VPS26B: variants seen among roughly 807,000 people sequenced by gnomAD.
VPS26B encodes the protein vacuolar protein sorting-associated protein 26B.
VPS26B carries 10 observed loss-of-function variants against 33.3 expected under a neutral mutation model. The ratio of observed to expected loss-of-function variants is 0.30; its 90% CI spans 0.19 to 0.51. VPS26B has a LOEUF of 0.51. Among genes scored for constraint, VPS26B ranks in the 20% least tolerant of loss-of-function variants. VPS26B has a pLI of 0.98. For missense variants in VPS26B, 317 were observed against 452.7 expected, an observed-to-expected ratio of 0.70 and a Z score of 2.72; for synonymous variants, 190 against 176.9, an observed-to-expected ratio of 1.07 and a Z score of -0.59.
rs1938791521 is a variant in VPS26B, at chr11:134,245,220, C to T, written c.864+140C>T. The T allele has an allele frequency of 1.5e-6, 2 of 1,360,290 alleles. No individual in the cohort carries two copies. The highest frequency in any genetic ancestry group is 1.5e-5 in the African/African-American group (1 of 68,540). The allele number at this position is 1,360,290 out of a possible 1,614,324, so 84.3% of individuals were successfully genotyped here. A position where few individuals can be genotyped will look rare whatever the true frequency, so the allele number is the denominator to read the frequency against. On this transcript the variant is annotated intron_variant, in intron 5 of 5. Transcript: ENST00000281187. This position sits in a 1 kb window ranked among gnomAD's most constrained non-coding sequence, Gnocchi z 4.7. ...CAATTGCACAACAAGAATGAGGATT[C>T]TCACCTGGCCTTAGAGTCTGCTTCC...
chr11:134,245,801 T>C lies in VPS26B; in HGVS notation c.*211T>C, dbSNP rs558795804. On this transcript the variant is annotated 3_prime_UTR_variant, in exon 6 of 6. Transcript: ENST00000281187. The surrounding 1 kb of genome is among the most constrained non-coding windows in gnomAD (Gnocchi z 4.7). ...TCTCTCCTTGGGATTCTGCGGCCGA[T>C]GTGGGATAGAAGAGGTAGCATCCTG... 1.8e-3 allele frequency: 1,142 copies of C among 639,152 alleles called. 8 individuals carry two copies. Among genetic ancestry groups the C allele is most frequent in the Middle Eastern group, 0.011 (25 of 2,274 alleles). 39.6% of individuals were successfully genotyped at this position (639,152 alleles called of 1,614,324 possible). A position where few individuals can be genotyped will look rare whatever the true frequency, so the allele number is the denominator to read the frequency against.
At chr11:134,242,926 G>T (rs1036577821) in intron 3 of VPS26B, among the ~76,000 whole-genome samples, 193 bp from the exon 4 acceptor site, 31 of 152,236 alleles carry the variant, frequency 2.0e-4, no homozygotes, top group African/African-American at 6.8e-4. Flanking sequence ...GGAAGGGACA[G>T]AAGCTACTTT....
chr11:134,243,191 G>C lies in VPS26B; in HGVS notation c.618G>C (p.Glu206Asp). Residue 206 changes from glutamate to aspartate, a missense_variant, in exon 4 of 6, where the codon GAG (glutamate) becomes GAC (aspartate). Physicochemically the swap from Glu to Asp is conservative, Grantham distance 45. Transcript: ENST00000281187. ...LLVRIKIKHM[E>D]IDIIKRETTG... ...TGAGAATCAAAATCAAGCACATGGA[G>C]ATAGACATCATCAAGCGAGAAACGA... is the stretch of plus-strand genomic sequence containing the variant. 6.2e-7 allele frequency: 1 copy of C among 1,614,006 alleles called. No individual in the cohort carries two copies. Among genetic ancestry groups the C allele is most frequent in the South Asian group, 1.1e-5 (1 of 91,082 alleles).
Position 134,244,928 on chromosome 11 carries a change from C to T in VPS26B, c.722-10C>T, listed in dbSNP as rs139327854. On this transcript the variant is annotated splice_polypyrimidine_tract_variant and intron_variant, in intron 4 of 5. Coordinates refer to ENST00000281187, the MANE Select transcript of VPS26B (RefSeq NM_052875.5). The surrounding 1 kb of genome is among the most constrained non-coding windows in gnomAD (Gnocchi z 4.0). ...TGCCCCCTGTGCTGACTCCTGCCCTCCCCCTACAGGAGAGTCCATCCCGAT... is the reference window on the plus strand; with the variant it reads ...TGCCCCCTGTGCTGACTCCTGCCCTTCCCCTACAGGAGAGTCCATCCCGAT... 0.013 allele frequency: 20,930 copies of T among 1,611,344 alleles called. 163 individuals are homozygous for T. Among genetic ancestry groups the T allele is most frequent in the Middle Eastern group, 0.026 (160 of 6,060 alleles).
intron 1 of VPS26B, among the ~76,000 whole-genome samples, chr11:134,231,762 A>T (rs186219617): frequency 6.6e-6 from 1 of 152,218 alleles, no homozygotes; most frequent in East Asian, 1.9e-4. Flanking sequence ...ACAGGGTTTC[A>T]CCGTCTTGGC....
At position 134,245,797 on chromosome 11, in the gene VPS26B, C is replaced by T. The variant is rs1408054852; in HGVS notation, c.*207C>T. On this transcript the variant is annotated 3_prime_UTR_variant, in exon 6 of 6. Coordinates refer to ENST00000281187, the MANE Select transcript of VPS26B (RefSeq NM_052875.5). The surrounding 1 kb of genome is among the most constrained non-coding windows in gnomAD (Gnocchi z 4.7). ...GCAGTCTCTCCTTGGGATTCTGCGG[C>T]CGATGTGGGATAGAAGAGGTAGCAT... 2 of 653,706 alleles carry T rather than the reference C, an allele frequency of 3.1e-6. No homozygotes were observed. The highest frequency in any genetic ancestry group is 3.0e-5 in the Admixed American group (1 of 33,098). 40.5% of individuals were successfully genotyped at this position (653,706 alleles called of 1,614,324 possible). A position where few individuals can be genotyped will look rare whatever the true frequency, so the allele number is the denominator to read the frequency against.
intron 1 of VPS26B, among the ~76,000 whole-genome samples, chr11:134,228,689 C>T (rs954216389): frequency 2.6e-5 from 4 of 152,312 alleles, no homozygotes; most frequent in South Asian, 2.1e-4. Flanking sequence ...CCTGGTTCCC[C>T]GAAAGAAGCA....
intron 2 of VPS26B, among the ~76,000 whole-genome samples, chr11:134,238,946 A>C (rs1938677712): frequency 6.6e-6 from 1 of 152,182 alleles, no homozygotes; most frequent in Non-Finnish European, 1.5e-5. Flanking sequence ...GGGATTATCT[A>C]AGTTTTATTT....
intron 1 of VPS26B, among the ~76,000 whole-genome samples, chr11:134,229,626 G>A (rs1362478647): frequency 6.6e-6 from 1 of 152,114 alleles, no homozygotes; most frequent in Non-Finnish European, 1.5e-5. Flanking sequence ...GCTAAGTTTT[G>A]GCCTTCTCTG....
At chr11:134,232,614 C>T (rs1412362833) in intron 1 of VPS26B, among the ~76,000 whole-genome samples, 3 of 152,252 alleles carry the variant, frequency 2.0e-5, no homozygotes, top group East Asian at 3.8e-4. Flanking sequence ...CTCCACAATG[C>T]TGGCAGCCTG....
At chr11:134,232,081 T>C (rs1185678035) in intron 1 of VPS26B, among the ~76,000 whole-genome samples, 1 of 152,212 alleles carries the variant, frequency 6.6e-6, no homozygotes, top group Admixed American at 6.5e-5. Context: ...AAAAGTTATT[T>C]CCTCCTGTTG....
Position 134,245,796 on chromosome 11 carries a change from G to A in VPS26B, c.*206G>A. ...AGCAGTCTCTCCTTGGGATTCTGCG[G>A]CCGATGTGGGATAGAAGAGGTAGCA... On this transcript the variant is annotated 3_prime_UTR_variant, in exon 6 of 6. Transcript: ENST00000281187. This position sits in a 1 kb window ranked among gnomAD's most constrained non-coding sequence, Gnocchi z 4.7. The A allele has an allele frequency of 1.5e-6, 1 of 655,298 alleles. No homozygotes were observed. Among genetic ancestry groups the A allele is most frequent in the Non-Finnish European group, 2.5e-6 (1 of 397,866 alleles). The allele number at this position is 655,298 out of a possible 1,614,324, so 40.6% of individuals were successfully genotyped here.
intron 2 of VPS26B, chr11:134,239,740 A>C (rs1249794508): frequency 4.0e-6 from 2 of 497,588 alleles, no homozygotes; most frequent in East Asian, 7.4e-5. Context: ...ACCCGGGGGC[A>C]TGGGCTCCCT....
rs1555057556 is a variant in VPS26B at position 134,240,814 on chromosome 11, T to TGTGTGTCC, written c.545+665_545+666insCCGTGTGT. Among the ~76,000 whole-genome samples, 2 of 149,394 alleles carry TGTGTGTCC rather than the reference T, an allele frequency of 1.3e-5. No homozygotes were observed. Among genetic ancestry groups the TGTGTGTCC allele is most frequent in the Non-Finnish European group, 3.0e-5 (2 of 66,592 alleles). ...GTGTCCGTGTGTGTGTGTGTGTGTG[T>TGTGTGTCC]GTGTGTGTGTGTGTAGCCAAGGTTT... On this transcript the variant is annotated intron_variant, in intron 3 of 5. Coordinates refer to ENST00000281187, the MANE Select transcript of VPS26B (RefSeq NM_052875.5). The surrounding 1 kb of genome is among the most constrained non-coding windows in gnomAD (Gnocchi z 4.4).
At chr11:134,225,490 C>A (rs1196140114) in intron 1 of VPS26B, 145 bp downstream of exon 1, 1 of 806,954 alleles carries the variant, frequency 1.2e-6, no homozygotes. Context: ...ACAAGTCCCG[C>A]CCGTGGGCGA....
chr11:134,238,012 G>A (rs1469997511), intron 2 of VPS26B, among the ~76,000 whole-genome samples: 1 of 152,222 alleles, frequency 6.6e-6, no homozygotes, highest in African/African-American at 2.4e-5. Context: ...TTAGCTAGAG[G>A]GAGATTGATG....
rs375382216 is a variant in VPS26B, at chr11:134,229,463, C to T, written c.223+4118C>T. 9.3e-4 allele frequency among the ~76,000 whole-genome samples: 142 copies of T among 152,310 alleles called. 2 individuals carry two copies. In the South Asian group the frequency reaches 0.029, roughly 31 times the overall value. ...CAGGTGCCTCAGTAATGCATGCAAA[C>T]ACAAACCCCTCTCTCTGTCTCTGCT... is the stretch of plus-strand genomic sequence containing the variant. On this transcript the variant is annotated intron_variant, in intron 1 of 5. Transcript: ENST00000281187.
intron 1 of VPS26B, among the ~76,000 whole-genome samples, chr11:134,226,667 ACT>A (rs944107996): frequency 3.3e-5 from 5 of 151,962 alleles, no homozygotes; most frequent in African/African-American, 9.7e-5. Context: ...TGCATACATA[ACT>A]CTGTTTTTAG....
chr11:134,246,073 A>C lies in VPS26B; in HGVS notation c.*483A>C, dbSNP rs941262574. 3 of 155,062 alleles carry C rather than the reference A, an allele frequency of 1.9e-5. No individual in the cohort carries two copies. The highest frequency in any genetic ancestry group is 7.2e-5 in the African/African-American group (3 of 41,488). 9.6% of individuals were successfully genotyped at this position (155,062 alleles called of 1,614,324 possible). A position where few individuals can be genotyped will look rare whatever the true frequency, so the allele number is the denominator to read the frequency against. ...CCAGCCCCCACTAAGTGGCAGGGGA[A>C]GACTCACGATTGGGAAGCTACCTCT... On this transcript the variant is annotated 3_prime_UTR_variant, in exon 6 of 6. Transcript: ENST00000281187.
Sources: gnomAD v4.1 joint callset for allele counts (sites outside exome capture counted in the v4.1 genomes callset) on GRCh38, gnomAD v4.1.1 for gene constraint, Gnocchi (gnomAD v3.1) non-coding constraint, MANE v1.5 for transcripts, NCBI Gene and HGNC (gene_info 2026-07-23, HGNC 2026-07-21) for gene names.